Variants in GPATCH8 observed in about 807,000 individuals in gnomAD.
GPATCH8 encodes G-patch domain containing 8, also known as G patch domain-containing protein 8.
GPATCH8 carries 18 observed loss-of-function variants against 118.3 expected under a neutral mutation model. The ratio of observed to expected loss-of-function variants is 0.15; its 90% CI spans 0.11 to 0.23. The LOEUF (loss-of-function observed/expected upper bound fraction) is 0.23. Ranked by LOEUF, GPATCH8 falls within the 10% of genes least tolerant of loss-of-function variation. The probability of loss-of-function intolerance (pLI) is 1.00; values close to 1 mark genes in which losing one functional copy is unlikely to be tolerated. For synonymous variants in GPATCH8, 659 were observed against 684.7 expected (o/e 0.96, Z 0.59); for missense variants, 1,631 against 1,873.8 (o/e 0.87, Z 2.39).
In GPATCH8 at chr17:44,416,506, G is replaced by C. The variant is rs1018424317; in HGVS notation, c.492+7843C>G. Among the ~76,000 whole-genome samples the C allele has an allele frequency of 1.1e-4, 17 of 152,122 alleles. 1 individual carries two copies. The highest frequency in any genetic ancestry group is 3.9e-4 in the African/African-American group (16 of 41,414). ...AAAACAGACCCCAAGAAAATGGTAT[G>C]AACAGTGGTATAGAATACCACTGAA... On this transcript the variant is annotated intron_variant, in intron 6 of 7. Coordinates refer to ENST00000591680, the MANE Select transcript of GPATCH8 (RefSeq NM_001002909.4).
chr17:44,398,277 G>T lies in GPATCH8; in HGVS notation c.3800C>A (p.Ser1267Tyr). The change falls in exon 8 of 8, where the codon TCC becomes TAC. Residue 1267 changes from serine to tyrosine, a missense_variant. Ser to Tyr is a moderately radical substitution (Grantham distance 144). Around this residue, in one of 8 missense-constraint regions of GPATCH8, gnomAD observed 922 missense variants for 879.7 expected, o/e 1.05. Transcript: ENST00000591680. ...GTCTGGTGCTATAGGCAGCAAGCTG[G>T]ACTCCACAGGGCCTGGCTGACTGCT... ...DSSSQPGPVE[S>Y]SLLPIAPDLE... 2.5e-6 allele frequency: 4 copies of T among 1,613,640 alleles called. No homozygotes were observed. Among genetic ancestry groups the T allele is most frequent in the Non-Finnish European group, 3.4e-6 (4 of 1,179,730 alleles).
At chr17:44,493,519 A>G (rs565751153) in intron 1 of GPATCH8, among the ~76,000 whole-genome samples, 1 of 152,348 alleles carries the variant, frequency 6.6e-6, no homozygotes, top group South Asian at 2.1e-4. Flanking sequence ...AACACTTTAC[A>G]TACCACAATC....
intron 3 of GPATCH8, among the ~76,000 whole-genome samples, chr17:44,440,887 G>A (rs773686549): frequency 5.3e-5 from 8 of 152,084 alleles, no homozygotes; most frequent in Middle Eastern, 3.4e-3. Flanking sequence ...GTCTCACTCC[G>A]TCACCCAGGC....
At chr17:44,420,500 T>C (rs942253378) in intron 6 of GPATCH8, among the ~76,000 whole-genome samples, 4 of 152,194 alleles carry the variant, frequency 2.6e-5, no homozygotes, top group African/African-American at 9.6e-5. Context: ...CTCAACCTAC[T>C]AGATGCCAGT....
intron 2 of GPATCH8, chr17:44,474,326 C>G (rs1568041381): frequency 1.1e-5 from 2 of 176,604 alleles, no homozygotes; most frequent in Admixed American, 1.2e-4. Context: ...ACAAAAACCA[C>G]ATTTCTTAAG....
chr17:44,440,744 T>C (rs892682602), intron 3 of GPATCH8, among the ~76,000 whole-genome samples: 1 of 152,334 alleles, frequency 6.6e-6, no homozygotes, highest in South Asian at 2.1e-4. Flanking sequence ...TTGAGAACAA[T>C]CCCTCAGGAA....
chr17:44,423,839 G>C (rs137929949), intron 6 of GPATCH8, among the ~76,000 whole-genome samples: 31 of 152,194 alleles, frequency 2.0e-4, no homozygotes, highest in African/African-American at 7.0e-4. Context: ...AGAGTTTTTT[G>C]TTAAAGTTAA....
At chr17:44,483,761 C>T (rs527313916) in intron 1 of GPATCH8, among the ~76,000 whole-genome samples, 44 of 152,196 alleles carry the variant, frequency 2.9e-4, no homozygotes, top group Non-Finnish European at 5.7e-4. Flanking sequence ...TGTGCCTCGG[C>T]CTCCCAAGAA....
Position 44,396,778 on chromosome 17 carries a change from A to T in GPATCH8, c.*790T>A, listed in dbSNP as rs991349566. 5 of 453,848 alleles carry T rather than the reference A, an allele frequency of 1.1e-5. No homozygotes were observed. Among genetic ancestry groups the T allele is most frequent in the African/African-American group, 6.0e-5 (3 of 49,882 alleles). The allele number at this position is 453,848 out of a possible 1,614,324, so 28.1% of individuals were successfully genotyped here. On this transcript the variant is annotated 3_prime_UTR_variant, in exon 8 of 8. Transcript: ENST00000591680. ...AGAGTTCAGTGCAATTTTTTACATT[A>T]AAAAAATCCTATAAATTAAGAAGGA...
At chr17:44,469,406 C>T (rs1207058530) in intron 2 of GPATCH8, among the ~76,000 whole-genome samples, 6 of 152,068 alleles carry the variant, frequency 3.9e-5, no homozygotes, top group Non-Finnish European at 5.9e-5. Context: ...ACATGTATGA[C>T]GGGAGCCTGC....
Position 44,395,386 on chromosome 17 carries a change from G to A in GPATCH8, c.*2182C>T. 1 of 452,836 alleles carries A rather than the reference G, an allele frequency of 2.2e-6. No individual in the cohort carries two copies. Among genetic ancestry groups the A allele is most frequent in the South Asian group, 1.6e-5 (1 of 63,946 alleles). 28.1% of individuals were successfully genotyped at this position (452,836 alleles called of 1,614,324 possible). On this transcript the variant is annotated 3_prime_UTR_variant, in exon 8 of 8. Coordinates refer to ENST00000591680, the MANE Select transcript of GPATCH8 (RefSeq NM_001002909.4). ...TAAATACAATCTGTTATGCTTGTAAGTAAGGTTTATTTTTATTTTTACTTT... is the reference window on the plus strand; with the variant it reads ...TAAATACAATCTGTTATGCTTGTAAATAAGGTTTATTTTTATTTTTACTTT...
At chr17:44,453,528 T>TGTGTGTGTGTGTGC (rs1482667373) in intron 3 of GPATCH8, among the ~76,000 whole-genome samples, 4 of 150,584 alleles carry the variant, frequency 2.7e-5, no homozygotes, top group Non-Finnish European at 5.9e-5. Flanking sequence ...TGTGTGTGTG[T>TGTGTGTGTGTGTGC]GTGCAGGCGC....
In GPATCH8 at chr17:44,401,318, G is replaced by A. The variant is rs1392996902; in HGVS notation, c.759C>T (p.Phe253=). The A allele has an allele frequency of 1.2e-6, 2 of 1,610,476 alleles. No individual in the cohort carries two copies. Among genetic ancestry groups the A allele is most frequent in the Non-Finnish European group, 1.7e-6 (2 of 1,178,064 alleles). ...ATASCGLGSE[F]STDKGGPFTA... is the part of the protein sequence containing the mutation. ...TGAAAGGGCCTCCTTTATCTGTGGAGAATTCAGATCCCAGGCCACAAGAAG... is the reference window on the plus strand; with the variant it reads ...TGAAAGGGCCTCCTTTATCTGTGGAAAATTCAGATCCCAGGCCACAAGAAG... Residue 253 remains phenylalanine, a synonymous_variant, in exon 8 of 8, where the codon TTC becomes TTT. Transcript: ENST00000591680.
intron 3 of GPATCH8, among the ~76,000 whole-genome samples, chr17:44,462,220 C>T (rs2051581365): frequency 6.6e-6 from 1 of 152,124 alleles, no homozygotes; most frequent in Non-Finnish European, 1.5e-5. Flanking sequence ...CCTTGTGTGC[C>T]TGAACAAAGA....
rs1478473929 is a variant in GPATCH8, at chr17:44,400,027, AT to A, written c.2049del (p.Lys683AsnfsTer426). ...HRHKKKKKHK[K>X]SSKHKRKHKA... ...TTGTGTTTACGTTTGTGTTTGCTGG[AT>A]TTTTTGTGCTTCTTTTTCTTTTTGT... On this transcript the variant is annotated frameshift_variant, in exon 8 of 8. Transcript: ENST00000591680. LOFTEE classifies it high-confidence loss of function. The A allele has an allele frequency of 6.2e-7, 1 of 1,613,118 alleles. No individual in the cohort carries two copies. The highest frequency in any genetic ancestry group is 8.5e-7 in the Non-Finnish European group (1 of 1,179,832).
intron 1 of GPATCH8, among the ~76,000 whole-genome samples, chr17:44,491,479 T>C (rs1358507187): frequency 2.4e-5 from 3 of 122,626 alleles, no homozygotes; most frequent in African/African-American, 9.9e-5. Flanking sequence ...AGAGCGAGAC[T>C]CCGTCTCAAA....
chr17:44,430,036 C>G (rs1436677828), intron 5 of GPATCH8, among the ~76,000 whole-genome samples: 2 of 152,046 alleles, frequency 1.3e-5, no homozygotes, highest in African/African-American at 4.8e-5. Context: ...CAAAGCAAGA[C>G]TGTCTCAAAA....
rs576506065 is a variant in GPATCH8, at chr17:44,497,839, C to G, written c.45+5487G>C. On this transcript the variant is annotated intron_variant, in intron 1 of 7. Coordinates refer to ENST00000591680, the MANE Select transcript of GPATCH8 (RefSeq NM_001002909.4). ...CCTGTAGTCCCAGCTACTTGGGAGG[C>G]TGAAGCGGGAGGATTGCTTGAGCCC... Among the ~76,000 whole-genome samples, 39 of 151,854 alleles carry G rather than the reference C, an allele frequency of 2.6e-4. No homozygotes were observed. The South Asian group carries it at 8.1e-3, about 32-fold the overall frequency.
Position 44,447,403 on chromosome 17 carries a change from C to T in GPATCH8, c.194-10858G>A, listed in dbSNP as rs531285041. 8.6e-5 allele frequency among the ~76,000 whole-genome samples: 13 copies of T among 152,000 alleles called. No homozygotes were observed. In the South Asian group the frequency reaches 1.5e-3, roughly 17 times the overall value. On this transcript the variant is annotated intron_variant, in intron 3 of 7. Coordinates refer to ENST00000591680, the MANE Select transcript of GPATCH8 (RefSeq NM_001002909.4). ...TGAATTCCTGACCTCGTGATCTGCC[C>T]GCCTCAGCCTCCCAAAGTGCTGGGA...
Sources: allele counts gnomAD v4.1 joint callset (sites outside exome capture counted in the v4.1 genomes callset), GRCh38; gene constraint gnomAD v4.1.1; regional missense constraint gnomAD v4.1.1; transcripts MANE v1.5; gene names NCBI Gene and HGNC (gene_info 2026-07-23, HGNC 2026-07-21).